The following ARMH3 variants were observed in gnomAD, a reference collection of about 807,000 sequenced individuals.
ARMH3 encodes armadillo like helical domain containing 3.
A neutral mutation model predicts 99.1 loss-of-function variants in ARMH3; 60 were observed. The observed-to-expected ratio is 0.61, with a 90% CI of 0.49 to 0.75. The LOEUF (loss-of-function observed/expected upper bound fraction) is 0.75. Among genes scored for constraint, ARMH3 ranks in the 30% least tolerant of loss-of-function variants. ARMH3 has a pLI of 0.00. For missense variants in ARMH3, 679 were observed against 843.1 expected, an observed-to-expected ratio of 0.81 and a Z score of 2.41; for synonymous variants, 285 against 292.8, an observed-to-expected ratio of 0.97 and a Z score of 0.27.
intron 1 of ARMH3, among the ~76,000 whole-genome samples, chr10:102,041,555 C>T (rs564220555): frequency 6.6e-6 from 1 of 152,278 alleles, no homozygotes; most frequent in South Asian, 2.1e-4. Flanking sequence ...TAGACATTGT[C>T]CTTCTCTAAC....
chr10:101,848,154 T>C (rs911539048), intron 25 of ARMH3, among the ~76,000 whole-genome samples: 2 of 152,212 alleles, frequency 1.3e-5, no homozygotes, highest in African/African-American at 4.8e-5. Context: ...CCAATTTCAA[T>C]GGCCAGGGCC....
intron 24 of ARMH3, among the ~76,000 whole-genome samples, chr10:101,853,475 C>G (rs11191130): frequency 0.21 from 32,098 of 152,134 alleles, 4,079 homozygotes; most frequent in Non-Finnish European, 0.29. Context: ...GAGGGCCACA[C>G]TTAGGGAGAG....
At chr10:101,887,469 T>C (rs908549351) in intron 24 of ARMH3, among the ~76,000 whole-genome samples, 11 of 151,974 alleles carry the variant, frequency 7.2e-5, no homozygotes, top group African/African-American at 2.7e-4. Context: ...AGTGGCATGA[T>C]CACAGCTTAC....
At chr10:101,854,312 A>G (rs1410201145) in intron 24 of ARMH3, among the ~76,000 whole-genome samples, 2 of 152,176 alleles carry the variant, frequency 1.3e-5, no homozygotes, top group Non-Finnish European at 2.9e-5. Context: ...GTTCCTGAAT[A>G]AAAGTTTTAA....
intron 24 of ARMH3, among the ~76,000 whole-genome samples, chr10:101,875,870 A>G (rs960049635): frequency 4.6e-5 from 7 of 152,148 alleles, no homozygotes; most frequent in African/African-American, 1.4e-4. Context: ...CAGATCCAAC[A>G]CACACAGGTC....
intron 5 of ARMH3, among the ~76,000 whole-genome samples, chr10:102,027,935 C>A (rs1006502519): frequency 1.3e-5 from 2 of 151,384 alleles, no homozygotes; most frequent in Non-Finnish European, 2.9e-5. Flanking sequence ...GTGTCCAACA[C>A]TGCAAATCAT....
intron 20 of ARMH3, among the ~76,000 whole-genome samples, chr10:101,963,542 A>G (rs1027249293): frequency 6.6e-6 from 1 of 152,130 alleles, no homozygotes; most frequent in Non-Finnish European, 1.5e-5. Context: ...AAGTGCTGAC[A>G]TTACAGGCAT....
intron 23 of ARMH3, among the ~76,000 whole-genome samples, chr10:101,915,246 C>T (rs1252477289): frequency 6.6e-6 from 1 of 152,174 alleles, no homozygotes; most frequent in African/African-American, 2.4e-5. Context: ...AGGGCCCCAG[C>T]AGCCTCTTCA....
chr10:101,918,379 A>T (rs991013024), intron 23 of ARMH3, among the ~76,000 whole-genome samples: 1 of 152,156 alleles, frequency 6.6e-6, no homozygotes, highest in South Asian at 2.1e-4. Flanking sequence ...TTTAATAACT[A>T]TAGGAAAACC....
At chr10:101,967,691 C>T (rs1379716502) in intron 20 of ARMH3, among the ~76,000 whole-genome samples, 1 of 152,072 alleles carries the variant, frequency 6.6e-6, no homozygotes, top group Non-Finnish European at 1.5e-5. Context: ...GAGCTGGGAT[C>T]GCGCCACGGC....
chr10:101,922,672 G>T (rs185854459), intron 23 of ARMH3, among the ~76,000 whole-genome samples: 406 of 152,252 alleles, frequency 2.7e-3, no homozygotes, highest in African/African-American at 9.1e-3. Flanking sequence ...TAGGAAATTA[G>T]TTCAGATTAA....
chr10:102,026,372 T>C (rs2067002335), intron 5 of ARMH3, among the ~76,000 whole-genome samples: 1 of 152,188 alleles, frequency 6.6e-6, no homozygotes, highest in South Asian at 2.1e-4. Context: ...GCTCTCAAGG[T>C]GCTTTTAGTC....
chr10:101,970,940 T>C (rs1387325687), intron 20 of ARMH3, among the ~76,000 whole-genome samples: 1 of 151,506 alleles, frequency 6.6e-6, no homozygotes, highest in Non-Finnish European at 1.5e-5. Context: ...TGTAAAAACA[T>C]ATGAAATTAG....
At chr10:101,899,713 C>A (rs1190249013) in intron 23 of ARMH3, among the ~76,000 whole-genome samples, 1 of 152,214 alleles carries the variant, frequency 6.6e-6, no homozygotes, top group Non-Finnish European at 1.5e-5. Flanking sequence ...ATCAAAACAT[C>A]AGCAACTGAC....
intron 6 of ARMH3, 94 bp from the exon 7 acceptor site, chr10:102,023,843 T>C: frequency 8.3e-7 from 1 of 1,199,924 alleles, no homozygotes; most frequent in Admixed American, 1.9e-5. Flanking sequence ...AACAAAAATA[T>C]TAAAATATTT....
chr10:101,935,828 C>T (rs1286638152), intron 23 of ARMH3, among the ~76,000 whole-genome samples: 3 of 152,186 alleles, frequency 2.0e-5, no homozygotes, highest in Non-Finnish European at 4.4e-5. Flanking sequence ...TGCACAACAT[C>T]AGAATTTTAC....
At chr10:101,925,279 G>C (rs1326445434) in intron 23 of ARMH3, among the ~76,000 whole-genome samples, 1 of 152,184 alleles carries the variant, frequency 6.6e-6, no homozygotes, top group African/African-American at 2.4e-5. Flanking sequence ...TACATATCTA[G>C]GTTCCAGTTC....
intron 10 of ARMH3, among the ~76,000 whole-genome samples, chr10:102,012,501 A>G (rs1371307195): frequency 6.6e-6 from 1 of 152,224 alleles, no homozygotes; most frequent in African/African-American, 2.4e-5. Flanking sequence ...TTACATGGAA[A>G]ATACTTGTAT....
chr10:101,964,513 TATGGTATA>T, intron 20 of ARMH3, among the ~76,000 whole-genome samples: 1 of 152,214 alleles, frequency 6.6e-6, no homozygotes, highest in East Asian at 1.9e-4. Flanking sequence ...ATAAACAAAA[TATGGTATA>T]TACATATGGC....
Sources: allele counts gnomAD v4.1 joint callset (sites outside exome capture counted in the v4.1 genomes callset), GRCh38; gene constraint gnomAD v4.1.1; transcripts MANE v1.5; gene names NCBI Gene and HGNC (gene_info 2026-07-23, HGNC 2026-07-21).